GLRB: variants seen among roughly 807,000 people sequenced by gnomAD.
GLRB encodes glycine receptor subunit beta.
GLRB carries 33 observed loss-of-function variants against 54.2 expected under a neutral mutation model. The observed-to-expected ratio is 0.61, with a 90% CI of 0.46 to 0.81. The LOEUF (loss-of-function observed/expected upper bound fraction) is 0.81. Among genes scored for constraint, GLRB ranks in the 40% least tolerant of loss-of-function variants. The pLI is 0.00. For synonymous variants in GLRB, 209 were observed against 208.2 expected (o/e 1.00, Z -0.03); for missense variants, 572 against 584.6 (o/e 0.98, Z 0.22).
intron 9 of GLRB, among the ~76,000 whole-genome samples, chr4:157,160,597 G>A (rs958629548): frequency 1.3e-5 from 2 of 151,962 alleles, no homozygotes; most frequent in Non-Finnish European, 2.9e-5. Flanking sequence ...GTATCCAGTA[G>A]TCACTCAGGA....
chr4:157,108,302 C>T (rs1735296522), intron 2 of GLRB, among the ~76,000 whole-genome samples: 1 of 151,976 alleles, frequency 6.6e-6, no homozygotes, highest in Admixed American at 6.6e-5. Context: ...ATAGTAATTC[C>T]CCTGATGGAT....
chr4:157,156,047 T>G (rs1737214963), intron 9 of GLRB, among the ~76,000 whole-genome samples: 1 of 152,206 alleles, frequency 6.6e-6, no homozygotes, highest in South Asian at 2.1e-4. Context: ...CTTGGACATT[T>G]ATTAATTTTG....
intron 9 of GLRB, among the ~76,000 whole-genome samples, chr4:157,163,829 A>AGTGTGTGTGTGTGTGTGTGTGTGTGT (rs3054934): frequency 2.2e-4 from 32 of 146,378 alleles, no homozygotes; most frequent in African/African-American, 7.9e-4. Flanking sequence ...TGTCTGTGTG[A>AGTGTGTGTGTGTGTGTGTGTGTGTGT]GTGTGTGTGT....
At chr4:157,135,455 G>A (rs1352830084) in intron 4 of GLRB, among the ~76,000 whole-genome samples, 2 of 151,944 alleles carry the variant, frequency 1.3e-5, no homozygotes, top group Non-Finnish European at 2.9e-5. Flanking sequence ...AATCAAGAGG[G>A]GAGGTCATTT....
At chr4:157,101,596 C>T (rs1262441011) in intron 2 of GLRB, among the ~76,000 whole-genome samples, 1 of 151,994 alleles carries the variant, frequency 6.6e-6, no homozygotes, top group African/African-American at 2.4e-5. Context: ...ATCTCATTGC[C>T]TACTGTTTTG....
chr4:157,080,384 T>G (rs972877099), intron 2 of GLRB, among the ~76,000 whole-genome samples: 5 of 152,208 alleles, frequency 3.3e-5, no homozygotes, highest in African/African-American at 4.8e-5. Flanking sequence ...ACAGTTGTGA[T>G]GTGATGCTGC....
chr4:157,171,758 T>C lies in GLRB; in HGVS notation c.*1030T>C, dbSNP rs1268984459. 1 of 151,988 alleles carries C rather than the reference T, an allele frequency of 6.6e-6. No homozygotes were observed. Among genetic ancestry groups the C allele is most frequent in the Non-Finnish European group, 1.5e-5 (1 of 67,822 alleles). 9.4% of individuals were successfully genotyped at this position (151,988 alleles called of 1,614,324 possible). On this transcript the variant is annotated 3_prime_UTR_variant, in exon 10 of 10. Transcript: ENST00000264428. The stretch of plus-strand genomic sequence containing the variant: ...ATTTTGGGATTAGTTACAAAATATT[T>C]AGAGATTAAATAAATAATAGCTTTG...
intron 8 of GLRB, among the ~76,000 whole-genome samples, chr4:157,144,464 C>G (rs891572489): frequency 6.6e-6 from 1 of 152,122 alleles, no homozygotes; most frequent in African/African-American, 2.4e-5. Flanking sequence ...CATTGCTCTC[C>G]AGTTTATTTT....
chr4:157,095,887 T>C (rs1475579116), intron 2 of GLRB, among the ~76,000 whole-genome samples: 1 of 151,968 alleles, frequency 6.6e-6, no homozygotes, highest in East Asian at 1.9e-4. Context: ...TCAGATGTGG[T>C]CACACAAGAG....
At position 157,136,717 on chromosome 4, in the gene GLRB, T is replaced by C; in HGVS notation, c.527+19T>C. The C allele has an allele frequency of 6.5e-7, 1 of 1,527,898 alleles. No homozygotes were observed. The highest frequency in any genetic ancestry group is 9.1e-7 in the Non-Finnish European group (1 of 1,101,724). The allele number at this position is 1,527,898 out of a possible 1,614,324, so 94.6% of individuals were successfully genotyped here. A position where few individuals can be genotyped will look rare whatever the true frequency, so the allele number is the denominator to read the frequency against. ...GCATGAGGTACTCTTTTATATTTCATATTTGTGCATTTATATTTTCCTTCT... is the reference window on the plus strand; with the variant it reads ...GCATGAGGTACTCTTTTATATTTCACATTTGTGCATTTATATTTTCCTTCT... On this transcript the variant is annotated intron_variant, in intron 5 of 9. Transcript: ENST00000264428.
chr4:157,099,055 C>G (rs758678215), intron 2 of GLRB, among the ~76,000 whole-genome samples: 5 of 152,054 alleles, frequency 3.3e-5, no homozygotes, highest in Non-Finnish European at 5.9e-5. Flanking sequence ...TCAGATTGAT[C>G]AGTGAGGACA....
At chr4:157,077,939 G>A in intron 1 of GLRB, 57 bp from the exon 2 acceptor site, 3 of 1,153,632 alleles carry the variant, frequency 2.6e-6, no homozygotes, top group South Asian at 2.6e-5. Context: ...TAAAGGGACA[G>A]TCATATAGTT....
intron 2 of GLRB, among the ~76,000 whole-genome samples, chr4:157,119,826 G>T (rs1027047177): frequency 6.6e-6 from 1 of 151,656 alleles, no homozygotes; most frequent in Non-Finnish European, 1.5e-5. Flanking sequence ...TCAGTGTGGC[G>T]ATTCCTCAGG....
At chr4:157,098,958 C>T (rs969012713) in intron 2 of GLRB, among the ~76,000 whole-genome samples, 6 of 152,028 alleles carry the variant, frequency 3.9e-5, no homozygotes, top group African/African-American at 7.2e-5. Context: ...ACTGCTTAAC[C>T]TCAGGGGCAG....
chr4:157,099,814 A>G (rs1053939669), intron 2 of GLRB, among the ~76,000 whole-genome samples: 6 of 152,180 alleles, frequency 3.9e-5, no homozygotes, highest in Non-Finnish European at 7.4e-5. Flanking sequence ...ACTTCCACAT[A>G]ATAACTTGAT....
chr4:157,159,094 TCA>T (rs1737359384), intron 9 of GLRB, among the ~76,000 whole-genome samples: 5 of 152,184 alleles, frequency 3.3e-5, no homozygotes, highest in Admixed American at 2.6e-4. Context: ...TTTGAAGCAA[TCA>T]TGAATGGGAG....
chr4:157,102,116 G>T (rs1412106778), intron 2 of GLRB, among the ~76,000 whole-genome samples: 1 of 152,106 alleles, frequency 6.6e-6, no homozygotes. Context: ...AGCTCAAAAA[G>T]TCATCATGTT....
At chr4:157,107,968 T>C (rs1050074269) in intron 2 of GLRB, among the ~76,000 whole-genome samples, 6 of 152,076 alleles carry the variant, frequency 3.9e-5, no homozygotes, top group African/African-American at 1.4e-4. Flanking sequence ...TTAAGAATTA[T>C]GCAAAATCTA....
chr4:157,107,187 C>A lies in GLRB; in HGVS notation c.123-13369C>A, dbSNP rs115567071. ...TTTCATCTCCCTCCCTCTCCTCAAG[C>A]CTTCTTATGCTCTGAGATACAACAA... is the stretch of plus-strand genomic sequence containing the variant. On this transcript the variant is annotated intron_variant, in intron 2 of 9. Coordinates refer to ENST00000264428, the MANE Select transcript of GLRB (RefSeq NM_000824.5). 7.7e-3 allele frequency among the ~76,000 whole-genome samples: 1,171 copies of A among 152,156 alleles called. 16 individuals carry two copies. Among genetic ancestry groups the A allele is most frequent in the Middle Eastern group, 0.027 (8 of 294 alleles).
Sources: allele counts gnomAD v4.1 joint callset (sites outside exome capture counted in the v4.1 genomes callset), GRCh38; gene constraint gnomAD v4.1.1; transcripts MANE v1.5; gene names NCBI Gene and HGNC (gene_info 2026-07-23, HGNC 2026-07-21).